The following GINS1 variants were observed in gnomAD, a reference collection of about 807,000 sequenced individuals.
GINS1 encodes DNA replication complex GINS protein PSF1.
Under a neutral mutation model 34.9 loss-of-function variants are expected in GINS1, and 26 were observed. The observed-to-expected ratio is 0.74, with a 90% CI of 0.55 to 1.03. GINS1 has a LOEUF of 1.03. Among genes scored for constraint, GINS1 ranks in the 50% least tolerant of loss-of-function variants. The probability of loss-of-function intolerance (pLI) is 0.00; values close to 1 mark genes in which losing one functional copy is unlikely to be tolerated. For synonymous variants in GINS1, 97 were observed against 84.4 expected, an observed-to-expected ratio of 1.15 and a Z score of -0.82; for missense variants, 235 against 237.9, an observed-to-expected ratio of 0.99 and a Z score of 0.08.
chr20:25,440,939 G>A (rs1221442916), intron 5 of GINS1, among the ~76,000 whole-genome samples: 2 of 152,104 alleles, frequency 1.3e-5, no homozygotes, highest in Admixed American at 6.6e-5. Context: ...CCGGAGGGAT[G>A]GTAGGACATG....
chr20:25,434,487 A>T (rs1011048465), intron 5 of GINS1, among the ~76,000 whole-genome samples: 1 of 151,252 alleles, frequency 6.6e-6, no homozygotes, highest in Non-Finnish European at 1.5e-5. Flanking sequence ...TCTGTTTGTC[A>T]TCCAGGCTGG....
intron 4 of GINS1, among the ~76,000 whole-genome samples, chr20:25,424,019 A>C (rs190082363): frequency 5.5e-4 from 84 of 152,266 alleles, no homozygotes; most frequent in African/African-American, 1.9e-3. Context: ...CTTCATTTTG[A>C]ATATAGATAT....
At chr20:25,436,923 CTA>C (rs1257936925) in intron 5 of GINS1, among the ~76,000 whole-genome samples, 2 of 152,140 alleles carry the variant, frequency 1.3e-5, no homozygotes, top group East Asian at 3.8e-4. Flanking sequence ...TGTTATAACT[CTA>C]TAAATCAGAT....
chr20:25,407,952 G>T (rs2090257534), intron 1 of GINS1, 57 bp downstream of exon 1: 4 of 1,299,058 alleles, frequency 3.1e-6, no homozygotes, highest in Non-Finnish European at 4.5e-6. Context: ...GGGCTCTGGG[G>T]CGGGGCGGCT....
rs1308562866 is a variant in GINS1 at position 25,446,097 on chromosome 20, C to G, written c.*106C>G. On this transcript the variant is annotated 3_prime_UTR_variant, in exon 7 of 7. Transcript: ENST00000262460. ...CCTCTTTGATTTTAGAAGCTATAGA[C>G]ATTGTTTAAGATAACTAAGAATACT... is the stretch of plus-strand genomic sequence containing the variant. The G allele has an allele frequency of 1.6e-6, 1 of 608,518 alleles. No homozygotes were observed. The highest frequency in any genetic ancestry group is 2.9e-6 in the Non-Finnish European group (1 of 342,128). The allele number at this position is 608,518 out of a possible 1,614,324, so 37.7% of individuals were successfully genotyped here. A position where few individuals can be genotyped will look rare whatever the true frequency, so the allele number is the denominator to read the frequency against.
intron 2 of GINS1, among the ~76,000 whole-genome samples, chr20:25,414,061 G>A (rs2090304848): frequency 6.6e-6 from 1 of 151,704 alleles, no homozygotes; most frequent in Non-Finnish European, 1.5e-5. Flanking sequence ...GTGGTAGTGG[G>A]TGCCTGTAAT....
intron 6 of GINS1, among the ~76,000 whole-genome samples, chr20:25,443,476 CTTTTTTTTTT>C (rs11482627): frequency 2.4e-5 from 3 of 124,732 alleles, no homozygotes; most frequent in African/African-American, 6.1e-5. Flanking sequence ...GGTTGAATTT[CTTTTTTTTTT>C]TTTTTTTTTG....
chr20:25,425,307 C>T lies in GINS1; in HGVS notation c.427C>T (p.Pro143Ser). Residue 143 changes from proline (P) to serine (S), a missense_variant, in exon 5 of 7, where the codon CCA (proline) becomes TCA (serine). Coordinates refer to ENST00000262460, the MANE Select transcript of GINS1 (RefSeq NM_021067.5). ...GGACATTACACAGGATATGAAACCA[C>T]CAAAAAGCCTATATATTGAAGTATG... Reference protein sequence around the residue: ...GLDITQDMKPPKSLYIEVRCL... With the variant: ...GLDITQDMKPSKSLYIEVRCL... 1 of 1,460,984 alleles carries T rather than the reference C, an allele frequency of 6.8e-7. No homozygotes were observed. The allele number at this position is 1,460,984 out of a possible 1,614,324, so 90.5% of individuals were successfully genotyped here.
In GINS1 at chr20:25,448,329, A is replaced by G. The variant is rs1420290774; in HGVS notation, c.*2338A>G. ...GTTTTGTCTTCTATTTCTCTTAATA[A>G]TCTTTTGTAGTTTTCAGTGTACAGG... is the stretch of plus-strand genomic sequence containing the variant. On this transcript the variant is annotated 3_prime_UTR_variant, in exon 7 of 7. Coordinates refer to ENST00000262460, the MANE Select transcript of GINS1 (RefSeq NM_021067.5). 6.6e-6 allele frequency: 1 copy of G among 152,140 alleles called. No individual in the cohort carries two copies. Among genetic ancestry groups the G allele is most frequent in the African/African-American group, 2.4e-5 (1 of 41,414 alleles). The allele number at this position is 152,140 out of a possible 1,614,324, so 9.4% of individuals were successfully genotyped here.
At chr20:25,428,397 CTTTTTTTT>C (rs544831869) in intron 5 of GINS1, among the ~76,000 whole-genome samples, 3 of 66,582 alleles carry the variant, frequency 4.5e-5, no homozygotes, top group African/African-American at 1.9e-4. Flanking sequence ...AGCATAATTT[CTTTTTTTT>C]TTTTTTTTTT....
intron 5 of GINS1, among the ~76,000 whole-genome samples, chr20:25,436,582 C>T (rs1199454449): frequency 6.6e-6 from 1 of 152,138 alleles, no homozygotes; most frequent in African/African-American, 2.4e-5. Flanking sequence ...TCCAATCTGT[C>T]TTTGAATCCC....
chr20:25,407,742 T>G lies in GINS1; in HGVS notation c.-79T>G. 2 of 1,079,518 alleles carry G rather than the reference T, an allele frequency of 1.9e-6. No individual in the cohort carries two copies. The highest frequency in any genetic ancestry group is 1.6e-5 in the African/African-American group (1 of 64,296). 66.9% of individuals were successfully genotyped at this position (1,079,518 alleles called of 1,614,324 possible). On this transcript the variant is annotated 5_prime_UTR_variant, in exon 1 of 7. Coordinates refer to ENST00000262460, the MANE Select transcript of GINS1 (RefSeq NM_021067.5). Reference sequence around the variant, plus strand: ...CGCTGTAGGACTAGAACGAAAGGAGTGAGGCGCCGAGAGCCCAGATACCAT... The same window carrying G: ...CGCTGTAGGACTAGAACGAAAGGAGGGAGGCGCCGAGAGCCCAGATACCAT...
In GINS1 at chr20:25,407,694, C is replaced by G; in HGVS notation, c.-127C>G. 3 of 750,820 alleles carry G rather than the reference C, an allele frequency of 4.0e-6. No homozygotes were observed. Among genetic ancestry groups the G allele is most frequent in the Non-Finnish European group, 6.8e-6 (3 of 440,824 alleles). 46.5% of individuals were successfully genotyped at this position (750,820 alleles called of 1,614,324 possible). On this transcript the variant is annotated 5_prime_UTR_variant, in exon 1 of 7. Coordinates refer to ENST00000262460, the MANE Select transcript of GINS1 (RefSeq NM_021067.5). Reference sequence around the variant, plus strand: ...CTTTGTTCGGCGCCAAAGCGCGGAGCGGAGGCCGAGGCGAGAGCCTGGCGC... The same window carrying G: ...CTTTGTTCGGCGCCAAAGCGCGGAGGGGAGGCCGAGGCGAGAGCCTGGCGC...
At chr20:25,432,236 C>T (rs755358682) in intron 5 of GINS1, among the ~76,000 whole-genome samples, 3 of 151,812 alleles carry the variant, frequency 2.0e-5, no homozygotes, top group Non-Finnish European at 4.4e-5. Flanking sequence ...CTCAGTACTG[C>T]TTTTGCTGCA....
intron 6 of GINS1, 111 bp from the exon 7 acceptor site, chr20:25,445,812 G>T: frequency 1.4e-6 from 1 of 692,960 alleles, no homozygotes; most frequent in Non-Finnish European, 2.5e-6. Context: ...CTACTTACTT[G>T]TTGGAGTTTG....
chr20:25,419,343 GAA>G (rs11087515), intron 4 of GINS1, among the ~76,000 whole-genome samples: 1 of 146,402 alleles, frequency 6.8e-6, no homozygotes, highest in Non-Finnish European at 1.5e-5. Context: ...AGAACTTAAA[GAA>G]AAAAAAAAAA....
Position 25,407,725 on chromosome 20 carries a change from G to C in GINS1, c.-96G>C, listed in dbSNP as rs984881634. On this transcript the variant is annotated 5_prime_UTR_variant, in exon 1 of 7. Transcript: ENST00000262460. ...CCGAGGCGAGAGCCTGGCGCTGTAG[G>C]ACTAGAACGAAAGGAGTGAGGCGCC... The C allele has an allele frequency of 8.5e-6, 8 of 937,044 alleles. No homozygotes were observed. The highest frequency in any genetic ancestry group is 1.4e-5 in the Non-Finnish European group (8 of 582,328). 58.0% of individuals were successfully genotyped at this position (937,044 alleles called of 1,614,324 possible).
At chr20:25,413,591 A>G (rs2090300829) in intron 1 of GINS1, 199 bp from the exon 2 acceptor site, 1 of 559,520 alleles carries the variant, frequency 1.8e-6, no homozygotes, top group South Asian at 2.2e-5. Flanking sequence ...ACCGTTTTAC[A>G]TTCCCACCAG....
chr20:25,432,614 G>C (rs1204579757), intron 5 of GINS1, among the ~76,000 whole-genome samples: 1 of 151,770 alleles, frequency 6.6e-6, no homozygotes, highest in African/African-American at 2.4e-5. Context: ...TTACAGGCAC[G>C]TGCCACCATG....
Sources: allele counts gnomAD v4.1 joint callset (sites outside exome capture counted in the v4.1 genomes callset), GRCh38; gene constraint gnomAD v4.1.1; transcripts MANE v1.5; gene names NCBI Gene and HGNC (gene_info 2026-07-23, HGNC 2026-07-21).